Variants in MACROD2 observed in about 807,000 individuals in gnomAD.
MACROD2 encodes ADP-ribose glycohydrolase MACROD2.
Under a neutral mutation model 70.4 loss-of-function variants are expected in MACROD2, and 36 were observed. The observed-to-expected ratio is 0.51, with a 90% CI of 0.39 to 0.68. The LOEUF (loss-of-function observed/expected upper bound fraction) is 0.68, where lower values mean the gene tolerates loss of function less well. Ranked by LOEUF, MACROD2 falls within the 30% of genes least tolerant of loss-of-function variation. MACROD2 has a pLI of 0.00. For synonymous variants in MACROD2, 172 were observed against 178.8 expected (o/e 0.96, Z 0.30); for missense variants, 496 against 538.4 (o/e 0.92, Z 0.78).
intron 5 of MACROD2, among the ~76,000 whole-genome samples, chr20:14,882,000 G>C (rs773844526): frequency 8.5e-5 from 13 of 152,122 alleles, no homozygotes; most frequent in Non-Finnish European, 1.9e-4. Context: ...ATTAACTCTT[G>C]TTATGTCTGT....
chr20:15,576,865 G>T (rs183140938), intron 8 of MACROD2, among the ~76,000 whole-genome samples: 1 of 152,108 alleles, frequency 6.6e-6, no homozygotes, highest in Non-Finnish European at 1.5e-5. Context: ...TAGTAACACC[G>T]ATAACAGTGA....
chr20:14,459,627 G>T (rs1314385743), intron 3 of MACROD2, among the ~76,000 whole-genome samples: 2 of 151,780 alleles, frequency 1.3e-5, no homozygotes, highest in Non-Finnish European at 2.9e-5. Context: ...AATTTTACCA[G>T]TTCTAATTTT....
At chr20:14,213,095 T>C (rs1016763398) in intron 3 of MACROD2, among the ~76,000 whole-genome samples, 1 of 152,028 alleles carries the variant, frequency 6.6e-6, no homozygotes, top group Non-Finnish European at 1.5e-5. Context: ...ACATTTAGTT[T>C]ATGCTTCCAT....
intron 5 of MACROD2, among the ~76,000 whole-genome samples, chr20:14,685,912 A>AT (rs1298619482): frequency 1.3e-5 from 2 of 152,240 alleles, no homozygotes; most frequent in Non-Finnish European, 2.9e-5. Context: ...ACAGGTTGTC[A>AT]TAACAGTGAA....
rs2083285160 is a variant in MACROD2 at position 14,367,741 on chromosome 20, G to A, written c.272-125738G>A. Among the ~76,000 whole-genome samples, 3 of 151,946 alleles carry A rather than the reference G, an allele frequency of 2.0e-5. No homozygotes were observed. In the South Asian group the frequency reaches 6.2e-4, roughly 32 times the overall value. On this transcript the variant is annotated intron_variant, in intron 3 of 17. Coordinates refer to ENST00000684519, the MANE Select transcript of MACROD2 (RefSeq NM_001351661.2). ...AGTCATTTGATTATAATTTGTCTTA[G>A]TGTAGATCTCTTTACAGTTATTCGT...
At position 15,544,676 on chromosome 20, in the gene MACROD2, C is replaced by T. The variant is rs370146410; in HGVS notation, c.645+44829C>T. Among the ~76,000 whole-genome samples, 113 of 152,318 alleles carry T rather than the reference C, an allele frequency of 7.4e-4. 1 individual carries two copies. The highest frequency in any genetic ancestry group is 2.6e-3 in the African/African-American group (108 of 41,564). On this transcript the variant is annotated intron_variant, in intron 8 of 17. Coordinates refer to ENST00000684519, the MANE Select transcript of MACROD2 (RefSeq NM_001351661.2). ...AGAACTTAACTGACTTCTGCATGCA[C>T]GCCAGCCTTCCTAGTGTAACTTAGG... is the stretch of plus-strand genomic sequence containing the variant.
intron 7 of MACROD2, among the ~76,000 whole-genome samples, chr20:15,478,530 C>T (rs1188726097): frequency 4.1e-5 from 6 of 144,704 alleles, no homozygotes; most frequent in Non-Finnish European, 7.5e-5. Flanking sequence ...TGCATGGTTG[C>T]GTGCATGACT....
rs2048760804 is a variant in MACROD2 at position 15,597,437 on chromosome 20, G to T, written c.645+97590G>T. Among the ~76,000 whole-genome samples the T allele has an allele frequency of 2.0e-5, 3 of 152,218 alleles. No individual in the cohort carries two copies. In the South Asian group the frequency reaches 6.2e-4, roughly 32 times the overall value. Reference sequence around the variant, plus strand: ...ACACAGACCAGAAAGTTGGAAAAATGCTGGTGTAGGACTATCTTGGATTCT... The same window carrying T: ...ACACAGACCAGAAAGTTGGAAAAATTCTGGTGTAGGACTATCTTGGATTCT... On this transcript the variant is annotated intron_variant, in intron 8 of 17. Coordinates refer to ENST00000684519, the MANE Select transcript of MACROD2 (RefSeq NM_001351661.2).
At chr20:15,737,405 C>T (rs1372297511) in intron 8 of MACROD2, among the ~76,000 whole-genome samples, 1 of 152,202 alleles carries the variant, frequency 6.6e-6, no homozygotes, top group African/African-American at 2.4e-5. Flanking sequence ...TTATTAAACA[C>T]CCTTATTCAA....
chr20:15,925,975 G>A (rs2065483689), intron 10 of MACROD2, among the ~76,000 whole-genome samples: 1 of 152,184 alleles, frequency 6.6e-6, no homozygotes, highest in Non-Finnish European at 1.5e-5. Context: ...AGAACTGGCA[G>A]CCAGGAGAGC....
intron 7 of MACROD2, among the ~76,000 whole-genome samples, chr20:15,465,838 C>A (rs2046880443): frequency 1.3e-5 from 2 of 152,320 alleles, no homozygotes; most frequent in Admixed American, 1.3e-4. Flanking sequence ...CTTTCGTACC[C>A]TGTGGAGGAA....
At chr20:15,677,771 T>C (rs1281074534) in intron 8 of MACROD2, among the ~76,000 whole-genome samples, 2 of 152,150 alleles carry the variant, frequency 1.3e-5, no homozygotes, top group Admixed American at 1.3e-4. Context: ...GTTTTTACCT[T>C]ATAAAAATGT....
intron 4 of MACROD2, among the ~76,000 whole-genome samples, chr20:14,675,394 G>A (rs573079925): frequency 2.7e-4 from 41 of 152,196 alleles, no homozygotes; most frequent in Admixed American, 2.2e-3. Context: ...AGTGGGGGCC[G>A]ATATTCAACA....
intron 5 of MACROD2, among the ~76,000 whole-genome samples, chr20:14,837,281 A>G (rs796889710): frequency 5.7e-4 from 86 of 152,212 alleles, no homozygotes; most frequent in African/African-American, 1.8e-3. Flanking sequence ...AGACAAACTT[A>G]TCATTAGAAC....
At chr20:15,310,560 AAAG>A (rs2146145818) in intron 6 of MACROD2, among the ~76,000 whole-genome samples, 1 of 152,340 alleles carries the variant, frequency 6.6e-6, no homozygotes, top group East Asian at 1.9e-4. Flanking sequence ...AGAAAAGAAA[AAAG>A]AATCTTCAAC....
intron 3 of MACROD2, among the ~76,000 whole-genome samples, chr20:14,448,809 T>G (rs997540720): frequency 6.6e-6 from 1 of 152,158 alleles, no homozygotes; most frequent in Non-Finnish European, 1.5e-5. Context: ...ACGGAATGTA[T>G]TGCTCCTCAG....
rs1451973143 is a variant in MACROD2 at position 15,893,990 on chromosome 20, G to C, written c.775+8179G>C. 1.3e-5 allele frequency: 6 copies of C among 450,482 alleles called. No homozygotes were observed. In the East Asian group the frequency reaches 4.2e-4, roughly 31 times the overall value. 27.9% of individuals were successfully genotyped at this position (450,482 alleles called of 1,614,324 possible). On this transcript the variant is annotated intron_variant, in intron 10 of 17. Transcript: ENST00000684519. ...TCCTGCACTGGGCAGGAATAGCTGG[G>C]CTCTAGGGTCTCGCTTTCCCATGCT...
rs10626103 is a variant in MACROD2 at position 15,936,671 on chromosome 20, G to GTATATATATATATA, written c.839-801_839-788dup. On this transcript the variant is annotated intron_variant, in intron 11 of 17. Coordinates refer to ENST00000684519, the MANE Select transcript of MACROD2 (RefSeq NM_001351661.2). ...TTTTGTCCATAATGTGTATATGTGT[G>GTATATATATATATA]TATATATATATATATATTCATTTTC... is the stretch of plus-strand genomic sequence containing the variant. Among the ~76,000 whole-genome samples, 58 of 143,296 alleles carry GTATATATATATATA rather than the reference G, an allele frequency of 4.0e-4. 1 individual carries two copies. The East Asian group carries it at 6.0e-3, about 15-fold the overall frequency. 94.0% of individuals were successfully genotyped at this position (143,296 alleles called of 152,430 possible). A position where few individuals can be genotyped will look rare whatever the true frequency, so the allele number is the denominator to read the frequency against.
At chr20:16,005,006 A>C (rs1048413538) in intron 15 of MACROD2, among the ~76,000 whole-genome samples, 1 of 152,252 alleles carries the variant, frequency 6.6e-6, no homozygotes, top group South Asian at 2.1e-4. Flanking sequence ...AAGCACATCC[A>C]TACACCTTAC....
Sources: allele counts gnomAD v4.1 joint callset (sites outside exome capture counted in the v4.1 genomes callset), GRCh38; gene constraint gnomAD v4.1.1; transcripts MANE v1.5; gene names NCBI Gene and HGNC (gene_info 2026-07-23, HGNC 2026-07-21).